The following ST8SIA6 variants were observed in gnomAD, a reference collection of about 807,000 sequenced individuals.
ST8SIA6 encodes alpha-2,8-sialyltransferase 8F.
ST8SIA6 carries 39 observed loss-of-function variants against 33.6 expected under a neutral mutation model. That is an observed-to-expected ratio of 1.16 (90% CI 0.90 to 1.52). ST8SIA6 has a LOEUF of 1.52. ST8SIA6 is among the 40% of genes most tolerant of loss of function. The pLI is 0.00. For synonymous variants in ST8SIA6, 172 were observed against 167.2 expected, an observed-to-expected ratio of 1.03 and a Z score of -0.22; for missense variants, 441 against 443.8, an observed-to-expected ratio of 0.99 and a Z score of 0.06.
chr10:17,438,213 G>T (rs1380051464), intron 2 of ST8SIA6, among the ~76,000 whole-genome samples: 1 of 152,160 alleles, frequency 6.6e-6, no homozygotes, highest in African/African-American at 2.4e-5. Flanking sequence ...TGGTTACAGG[G>T]ACTTTTCCCC....
At chr10:17,396,262 C>T (rs1850802110) in intron 2 of ST8SIA6, among the ~76,000 whole-genome samples, 1 of 152,134 alleles carries the variant, frequency 6.6e-6, no homozygotes, top group Non-Finnish European at 1.5e-5. Context: ...GCAATACAGC[C>T]CCTGGCATCC....
chr10:17,380,292 G>A (rs531552242), intron 3 of ST8SIA6, among the ~76,000 whole-genome samples: 4 of 152,304 alleles, frequency 2.6e-5, no homozygotes, highest in South Asian at 4.1e-4. Context: ...ACTGGTTTGG[G>A]ATTCCATCTT....
At chr10:17,322,839 T>A (rs1461734218) in intron 7 of ST8SIA6, among the ~76,000 whole-genome samples, 1 of 152,180 alleles carries the variant, frequency 6.6e-6, no homozygotes, top group African/African-American at 2.4e-5. Flanking sequence ...TATGTTCTCA[T>A]TTGATTAGCT....
Position 17,451,035 on chromosome 10 carries a change from C to A in ST8SIA6, c.200+2524G>T, listed in dbSNP as rs560085326. ...AATGTGTTAACTCTGTGACTGTGGGCAATTTACTTCATCTTGTTGCTTCGA... is the reference window on the plus strand; with the variant it reads ...AATGTGTTAACTCTGTGACTGTGGGAAATTTACTTCATCTTGTTGCTTCGA... On this transcript the variant is annotated intron_variant, in intron 2 of 7. Coordinates refer to ENST00000377602, the MANE Select transcript of ST8SIA6 (RefSeq NM_001004470.3). Among the ~76,000 whole-genome samples the A allele has an allele frequency of 7.2e-5, 11 of 152,282 alleles. No homozygotes were observed. In the South Asian group the frequency reaches 1.7e-3, roughly 23 times the overall value.
At chr10:17,427,907 C>G (rs897965015) in intron 2 of ST8SIA6, among the ~76,000 whole-genome samples, 1 of 152,228 alleles carries the variant, frequency 6.6e-6, no homozygotes, top group Non-Finnish European at 1.5e-5. Flanking sequence ...AACACACTTG[C>G]TGATGAAAAG....
chr10:17,338,832 A>G (rs1848587485), intron 4 of ST8SIA6, among the ~76,000 whole-genome samples: 1 of 152,230 alleles, frequency 6.6e-6, no homozygotes, highest in Non-Finnish European at 1.5e-5. Context: ...CAGGTTCAAA[A>G]GAGCATACAC....
At chr10:17,346,376 A>G (rs1848833113) in intron 4 of ST8SIA6, among the ~76,000 whole-genome samples, 1 of 152,194 alleles carries the variant, frequency 6.6e-6, no homozygotes, top group Admixed American at 6.5e-5. Context: ...CTGAGGTGGC[A>G]GGATCGCTTG....
At chr10:17,352,780 T>C (rs779405570) in intron 4 of ST8SIA6, among the ~76,000 whole-genome samples, 1 of 152,076 alleles carries the variant, frequency 6.6e-6, no homozygotes, top group Non-Finnish European at 1.5e-5. Flanking sequence ...AGTAATGACA[T>C]GGTGTGGTTT....
intron 4 of ST8SIA6, among the ~76,000 whole-genome samples, chr10:17,338,176 A>C (rs1053868508): frequency 6.6e-6 from 1 of 152,014 alleles, no homozygotes; most frequent in African/African-American, 2.4e-5. Flanking sequence ...CTGGGATTAC[A>C]GGCATGTGCC....
At chr10:17,416,047 A>G (rs1216893694) in intron 2 of ST8SIA6, among the ~76,000 whole-genome samples, 3 of 151,802 alleles carry the variant, frequency 2.0e-5, no homozygotes, top group Non-Finnish European at 4.4e-5. Flanking sequence ...ACCTCAAGTG[A>G]TCCACCGGCC....
intron 2 of ST8SIA6, among the ~76,000 whole-genome samples, chr10:17,421,806 A>T (rs1851787570): frequency 6.6e-6 from 1 of 152,168 alleles, no homozygotes; most frequent in Non-Finnish European, 1.5e-5. Context: ...AGCTCCAGTC[A>T]TCCTCCCTCT....
At chr10:17,389,759 T>C (rs547994387) in intron 3 of ST8SIA6, among the ~76,000 whole-genome samples, 1 of 152,228 alleles carries the variant, frequency 6.6e-6, no homozygotes, top group East Asian at 1.9e-4. Context: ...ATACATATCA[T>C]GTTCTCAAAA....
At chr10:17,440,207 ATTT>A (rs199531697) in intron 2 of ST8SIA6, among the ~76,000 whole-genome samples, 15,483 of 135,704 alleles carry the variant, frequency 0.11, 801 homozygotes, top group South Asian at 0.18. Context: ...TCTCAAATGT[ATTT>A]TTTTTTTTTT....
At chr10:17,415,987 T>C (rs898440912) in intron 2 of ST8SIA6, among the ~76,000 whole-genome samples, 39 of 151,930 alleles carry the variant, frequency 2.6e-4, no homozygotes, top group African/African-American at 9.2e-4. Context: ...TTTTTATTTT[T>C]AGTAGAGACA....
chr10:17,336,822 G>A (rs528065648), intron 4 of ST8SIA6, among the ~76,000 whole-genome samples: 3 of 152,082 alleles, frequency 2.0e-5, no homozygotes, highest in Non-Finnish European at 2.9e-5. Context: ...TCAAACTCCC[G>A]ACCCTAGTTG....
chr10:17,423,017 G>T lies in ST8SIA6; in HGVS notation c.200+30542C>A, dbSNP rs79513674. On this transcript the variant is annotated intron_variant, in intron 2 of 7. Transcript: ENST00000377602. ...CCGTTCAATGTAACAGAAAATAAAT[G>T]TGCATGGGTGCAATTTTAATAGAAT... 6.2e-3 allele frequency among the ~76,000 whole-genome samples: 951 copies of T among 152,290 alleles called. 9 individuals carry two copies. The highest frequency in any genetic ancestry group is 0.022 in the African/African-American group (911 of 41,554).
At chr10:17,389,184 C>T (rs1414954665) in intron 3 of ST8SIA6, among the ~76,000 whole-genome samples, 1 of 152,150 alleles carries the variant, frequency 6.6e-6, no homozygotes, top group Non-Finnish European at 1.5e-5. Flanking sequence ...CAAATTATCT[C>T]TAAAAACTCT....
In ST8SIA6 at chr10:17,323,130, A is replaced by G. The variant is rs906112429; in HGVS notation, c.663T>C (p.Asp221=). The change falls in exon 7 of 8, where the codon GAT becomes GAC. Residue 221 remains aspartate, a synonymous_variant. Transcript: ENST00000377602. ...TTTTACTGCCAACATCTTTACTAAC[A>G]TCTCCTGTGGTTGGGGGTAGGTTAC... ...FRCNLPPTTG[D]VSKDVGSKTN... is the part of the protein sequence containing the mutation. 1 of 1,613,672 alleles carries G rather than the reference A, an allele frequency of 6.2e-7. No individual in the cohort carries two copies. The highest frequency in any genetic ancestry group is 8.5e-7 in the Non-Finnish European group (1 of 1,179,846).
chr10:17,440,642 T>C (rs1852448741), intron 2 of ST8SIA6, among the ~76,000 whole-genome samples: 1 of 152,176 alleles, frequency 6.6e-6, no homozygotes. Context: ...TAAAACTTCT[T>C]ATCCTCCTCT....
Sources: allele counts gnomAD v4.1 joint callset (sites outside exome capture counted in the v4.1 genomes callset), GRCh38; gene constraint gnomAD v4.1.1; transcripts MANE v1.5; gene names NCBI Gene and HGNC (gene_info 2026-07-23, HGNC 2026-07-21).